The following DPP10 variants were observed in gnomAD, a reference collection of about 807,000 sequenced individuals.
DPP10 encodes the protein inactive dipeptidyl peptidase 10.
A neutral mutation model predicts 120.9 loss-of-function variants in DPP10; 33 were observed. The observed-to-expected ratio is 0.27, with a 90% CI of 0.21 to 0.37. The LOEUF (loss-of-function observed/expected upper bound fraction) is 0.37, where lower values mean the gene tolerates loss of function less well. Ranked by LOEUF, DPP10 falls within the 10% of genes least tolerant of loss-of-function variation. The probability of loss-of-function intolerance (pLI) is 1.00; values close to 1 mark genes in which losing one functional copy is unlikely to be tolerated. For missense variants in DPP10, 816 were observed against 942.8 expected, an observed-to-expected ratio of 0.87 and a Z score of 1.76; for synonymous variants, 337 against 326.1, an observed-to-expected ratio of 1.03 and a Z score of -0.36.
At chr2:115,139,824 C>T (rs940849006) in intron 1 of DPP10, among the ~76,000 whole-genome samples, 12 of 150,130 alleles carry the variant, frequency 8.0e-5, no homozygotes, top group African/African-American at 2.7e-4. Flanking sequence ...AGCCTCCTCC[C>T]ATCAGTACAG....
At chr2:115,123,951 C>CTT (rs35798293) in intron 1 of DPP10, among the ~76,000 whole-genome samples, 7 of 142,146 alleles carry the variant, frequency 4.9e-5, no homozygotes, top group Admixed American at 7.1e-5. Flanking sequence ...CTGATTATGC[C>CTT]TTTTTTTTTT....
intron 1 of DPP10, among the ~76,000 whole-genome samples, chr2:114,606,302 G>C (rs1010006831): frequency 1.3e-5 from 2 of 152,012 alleles, no homozygotes; most frequent in Non-Finnish European, 2.9e-5. Flanking sequence ...GACTCAGACT[G>C]GTCCTTGGCA....
chr2:115,736,999 G>A (rs563222685), intron 8 of DPP10, among the ~76,000 whole-genome samples: 141 of 152,176 alleles, frequency 9.3e-4, no homozygotes, highest in African/African-American at 3.4e-3. Context: ...ACGAACAGTG[G>A]ACAACGAAGT....
chr2:114,858,541 G>T (rs1442914937), intron 1 of DPP10, among the ~76,000 whole-genome samples: 1 of 152,124 alleles, frequency 6.6e-6, no homozygotes, highest in African/African-American at 2.4e-5. Flanking sequence ...TGTATCTGAG[G>T]CTGAGCATTT....
chr2:115,217,000 AATAG>A (rs1226835204), intron 1 of DPP10, among the ~76,000 whole-genome samples: 3 of 152,168 alleles, frequency 2.0e-5, no homozygotes, highest in East Asian at 3.9e-4. Context: ...ACACACGTCA[AATAG>A]ATATGTGTTG....
intron 1 of DPP10, among the ~76,000 whole-genome samples, chr2:114,470,845 G>C (rs1378065926): frequency 6.6e-6 from 1 of 152,178 alleles, no homozygotes; most frequent in Non-Finnish European, 1.5e-5. Context: ...ATACTGCCTT[G>C]TTTGCTAATT....
chr2:115,122,762 T>G (rs895648157), intron 1 of DPP10, among the ~76,000 whole-genome samples: 3 of 152,294 alleles, frequency 2.0e-5, no homozygotes, highest in Middle Eastern at 6.8e-3. Context: ...CCTTGAACAT[T>G]ACACGGCCTT....
intron 1 of DPP10, among the ~76,000 whole-genome samples, chr2:114,669,097 G>C (rs1444995919): frequency 6.6e-6 from 1 of 152,010 alleles, no homozygotes; most frequent in African/African-American, 2.4e-5. Flanking sequence ...TAAACATCAA[G>C]GTTGCATCTA....
chr2:115,494,694 T>G (rs2148761939), intron 3 of DPP10, among the ~76,000 whole-genome samples: 1 of 152,280 alleles, frequency 6.6e-6, no homozygotes, highest in South Asian at 2.1e-4. Flanking sequence ...CATTTTATTT[T>G]TAATTGCTCA....
intron 1 of DPP10, among the ~76,000 whole-genome samples, chr2:114,466,938 C>T (rs1679436294): frequency 2.0e-5 from 3 of 151,828 alleles, no homozygotes; most frequent in Admixed American, 2.0e-4. Context: ...GTCCCAGCTA[C>T]TCCGGAAGCA....
At chr2:114,586,671 GA>G (rs1691004955) in intron 1 of DPP10, among the ~76,000 whole-genome samples, 3 of 152,174 alleles carry the variant, frequency 2.0e-5, no homozygotes. Context: ...GTTGAAACTG[GA>G]TTCCCAGTGT....
intron 1 of DPP10, among the ~76,000 whole-genome samples, chr2:114,866,965 G>T (rs1690289020): frequency 6.6e-6 from 1 of 152,174 alleles, no homozygotes. Flanking sequence ...TTCCAGGTTA[G>T]GGGAGGTTGT....
intron 1 of DPP10, among the ~76,000 whole-genome samples, chr2:114,629,612 G>A (rs761526923): frequency 4.3e-4 from 66 of 152,138 alleles, no homozygotes; most frequent in Middle Eastern, 3.4e-3. Context: ...CATTTAATTG[G>A]CAAAAGGGCA....
At chr2:114,981,797 GGT>G (rs1295280089) in intron 1 of DPP10, among the ~76,000 whole-genome samples, 4 of 150,036 alleles carry the variant, frequency 2.7e-5, no homozygotes, top group African/African-American at 9.8e-5. Context: ...TTTTAGATAG[GGT>G]GTCTCACTAT....
intron 1 of DPP10, among the ~76,000 whole-genome samples, chr2:114,496,735 ACTAT>A (rs1027227475): frequency 4.6e-5 from 7 of 152,174 alleles, no homozygotes; most frequent in Admixed American, 3.9e-4. Context: ...CACCACTTCA[ACTAT>A]CTATGAGGGG....
chr2:115,350,740 T>G (rs989054025), intron 3 of DPP10, among the ~76,000 whole-genome samples: 3 of 152,152 alleles, frequency 2.0e-5, no homozygotes, highest in African/African-American at 7.2e-5. Context: ...GATTGAGACA[T>G]AATATTTCCT....
intron 3 of DPP10, among the ~76,000 whole-genome samples, chr2:115,437,343 T>A (rs1340951365): frequency 6.6e-6 from 1 of 152,040 alleles, no homozygotes; most frequent in African/African-American, 2.4e-5. Context: ...AGAAATATAT[T>A]TGCCTATTTC....
At chr2:115,367,383 C>T (rs935918057) in intron 3 of DPP10, among the ~76,000 whole-genome samples, 11 of 151,844 alleles carry the variant, frequency 7.2e-5, no homozygotes, top group Non-Finnish European at 1.5e-4. Context: ...TAAAGGTTGA[C>T]GGTTCTAGTT....
chr2:114,675,321 A>G (rs1161642495), intron 1 of DPP10, among the ~76,000 whole-genome samples: 1 of 152,150 alleles, frequency 6.6e-6, no homozygotes, highest in Non-Finnish European at 1.5e-5. Flanking sequence ...TAAAAAAATG[A>G]CAGAATGGAA....
Sources: allele counts gnomAD v4.1 joint callset (sites outside exome capture counted in the v4.1 genomes callset), GRCh38; gene constraint gnomAD v4.1.1; transcripts MANE v1.5; gene names NCBI Gene and HGNC (gene_info 2026-07-23, HGNC 2026-07-21).